Variants in ADCY5 observed in about 807,000 individuals in gnomAD.
ADCY5 encodes the protein adenylate cyclase 5.
A neutral mutation model predicts 119.7 loss-of-function variants in ADCY5; 30 were observed. The observed-to-expected ratio is 0.25, with a 90% confidence interval of 0.19 to 0.34. ADCY5 has a LOEUF of 0.34. ADCY5 is among the 10% of genes least tolerant of loss of function. The probability of loss-of-function intolerance (pLI) is 1.00; values close to 1 mark genes in which losing one functional copy is unlikely to be tolerated. For synonymous variants in ADCY5, 753 were observed against 762.2 expected (o/e 0.99, Z 0.20); for missense variants, 1,324 against 1,775.2 (o/e 0.75, Z 4.57).
intron 1 of ADCY5, among the ~76,000 whole-genome samples, chr3:123,396,389 AAG>A (rs1190599522): frequency 1.2e-4 from 16 of 130,958 alleles, no homozygotes; most frequent in African/African-American, 2.9e-4. Context: ...AAGGGAGGGA[AAG>A]AGAGAAAAAG....
chr3:123,289,735 T>C lies in ADCY5; in HGVS notation c.3532+15A>G. On this transcript the variant is annotated intron_variant, in intron 19 of 20. Coordinates refer to ENST00000462833, the MANE Select transcript of ADCY5 (RefSeq NM_183357.3). ...ACTGCACCCTGGGCTCAGCACTCCC[T>C]GGGCCCCCACTCACCGATCTTCATC... is the stretch of plus-strand genomic sequence containing the variant. The C allele has an allele frequency of 6.2e-7, 1 of 1,612,724 alleles. No individual in the cohort carries two copies. The highest frequency in any genetic ancestry group is 1.1e-5 in the South Asian group (1 of 91,010).
At chr3:123,404,592 C>T (rs1279195636) in intron 1 of ADCY5, 1 of 152,284 alleles carries the variant, frequency 6.6e-6, no homozygotes, top group Non-Finnish European at 1.5e-5. Context: ...TGCACTATGC[C>T]CAGAATAAAC....
intron 1 of ADCY5, among the ~76,000 whole-genome samples, chr3:123,435,608 T>C (rs966106673): frequency 2.6e-5 from 4 of 152,152 alleles, no homozygotes; most frequent in Non-Finnish European, 5.9e-5. Context: ...AAAACCTTTT[T>C]TTTAAGGCCA....
chr3:123,369,954 A>T (rs1447144656), intron 1 of ADCY5, among the ~76,000 whole-genome samples: 1 of 152,174 alleles, frequency 6.6e-6, no homozygotes, highest in Non-Finnish European at 1.5e-5. Context: ...AGGGGGTAGG[A>T]AGGGTGACCA....
intron 17 of ADCY5, among the ~76,000 whole-genome samples, chr3:123,295,721 C>G (rs1438155643): frequency 6.6e-6 from 1 of 151,816 alleles, no homozygotes; most frequent in African/African-American, 2.4e-5. Context: ...GCCTTGCTGC[C>G]CCCACCACAA....
At chr3:123,377,227 C>T (rs1445189762) in intron 1 of ADCY5, among the ~76,000 whole-genome samples, 1 of 152,204 alleles carries the variant, frequency 6.6e-6, no homozygotes, top group Admixed American at 6.5e-5. Context: ...ATAAAAGCTC[C>T]TTAATTCAGC....
chr3:123,438,233 G>A (rs1458972813), intron 1 of ADCY5, among the ~76,000 whole-genome samples: 1 of 152,136 alleles, frequency 6.6e-6, no homozygotes, highest in African/African-American at 2.4e-5. Context: ...AAATGTGTTT[G>A]AAAAAGGCTT....
intron 1 of ADCY5, among the ~76,000 whole-genome samples, chr3:123,431,088 G>A (rs963777259): frequency 1.3e-5 from 2 of 152,178 alleles, no homozygotes; most frequent in Admixed American, 6.5e-5. Flanking sequence ...GAGCTACAGA[G>A]GTGAAGAAAA....
Position 123,352,594 on chromosome 3 carries a change from A to G in ADCY5, c.1135-13T>C. The G allele has an allele frequency of 1.2e-6, 2 of 1,605,236 alleles. No homozygotes were observed. Among genetic ancestry groups the G allele is most frequent in the Non-Finnish European group, 1.7e-6 (2 of 1,173,870 alleles). On this transcript the variant is annotated splice_polypyrimidine_tract_variant and intron_variant, in intron 1 of 20. Coordinates refer to ENST00000462833, the MANE Select transcript of ADCY5 (RefSeq NM_183357.3). This position sits in a 1 kb window ranked among gnomAD's most constrained non-coding sequence, Gnocchi z 4.8. The stretch of plus-strand genomic sequence containing the variant: ...CATTGGAGACAAGCTGCAGAGGGAG[A>G]GAGGAGCACACCTAGCTCAGATCCT...
chr3:123,383,996 C>G (rs1471456221), intron 1 of ADCY5, among the ~76,000 whole-genome samples: 1 of 151,868 alleles, frequency 6.6e-6, no homozygotes, highest in East Asian at 2.0e-4. Context: ...ACACACCCAC[C>G]CTTCCTCAAG....
chr3:123,333,497 G>A (rs1941876096), intron 3 of ADCY5, among the ~76,000 whole-genome samples: 1 of 152,240 alleles, frequency 6.6e-6, no homozygotes, highest in Non-Finnish European at 1.5e-5. Flanking sequence ...CGCGGCTGCT[G>A]GGCAGGGGAC....
At chr3:123,299,530 T>C (rs1939708916) in intron 15 of ADCY5, among the ~76,000 whole-genome samples, 1 of 152,214 alleles carries the variant, frequency 6.6e-6, no homozygotes, top group Non-Finnish European at 1.5e-5. Context: ...CATCTGTCAC[T>C]ACATGACCAT....
chr3:123,402,509 C>T (rs76018747), intron 1 of ADCY5, among the ~76,000 whole-genome samples: 7,921 of 152,256 alleles, frequency 0.052, 460 homozygotes, highest in African/African-American at 0.14. Flanking sequence ...TGAATCTCTC[C>T]ATCCAAGGAA....
chr3:123,441,508 A>G (rs1945720650), intron 1 of ADCY5, among the ~76,000 whole-genome samples: 1 of 152,198 alleles, frequency 6.6e-6, no homozygotes, highest in Non-Finnish European at 1.5e-5. Context: ...TCATCTACCT[A>G]GAGCTGAGAC....
chr3:123,410,310 C>T (rs1945012024), intron 1 of ADCY5, among the ~76,000 whole-genome samples: 1 of 152,126 alleles, frequency 6.6e-6, no homozygotes, highest in East Asian at 1.9e-4. Context: ...GGCAGAGTTC[C>T]ATCCCCCTCC....
In ADCY5 at chr3:123,343,186, T is replaced by C. The variant is rs145569311; in HGVS notation, c.1406+4596A>G. On this transcript the variant is annotated intron_variant, in intron 3 of 20. Coordinates refer to ENST00000462833, the MANE Select transcript of ADCY5 (RefSeq NM_183357.3). ...AGCTGACTAATTATTCATTGCTTAG[T>C]GTCTTCTCTAACAGAAGATGAGCTT... Among the ~76,000 whole-genome samples the C allele has an allele frequency of 2.0e-5, 3 of 152,338 alleles. No homozygotes were observed. The East Asian group carries it at 5.8e-4, about 29-fold the overall frequency.
At chr3:123,314,358 T>C in intron 11 of ADCY5, 36 bp from the exon 12 acceptor site, 1 of 1,548,610 alleles carries the variant, frequency 6.5e-7, no homozygotes, top group Non-Finnish European at 8.9e-7. Flanking sequence ...GAAGCCAGGC[T>C]CAGGTGGCAG....
chr3:123,291,588 A>C (rs1939154714), intron 17 of ADCY5, among the ~76,000 whole-genome samples: 1 of 152,128 alleles, frequency 6.6e-6, no homozygotes, highest in South Asian at 2.1e-4. Context: ...TGACAATCAG[A>C]AAAGACATTT....
In ADCY5 at chr3:123,443,425, C is replaced by T. The variant is rs182021489; in HGVS notation, c.1134+3987G>A. Among the ~76,000 whole-genome samples, 414 of 152,312 alleles carry T rather than the reference C, an allele frequency of 2.7e-3. 1 individual carries two copies. Among genetic ancestry groups the T allele is most frequent in the Admixed American group, 7.5e-3 (115 of 15,306 alleles). On this transcript the variant is annotated intron_variant, in intron 1 of 20. Coordinates refer to ENST00000462833, the MANE Select transcript of ADCY5 (RefSeq NM_183357.3). Reference sequence around the variant, plus strand: ...ACACAAAGGCTTCCCAGGCCCACGTCCACCACCTGGGTCAGCCTCATACCA... The same window carrying T: ...ACACAAAGGCTTCCCAGGCCCACGTTCACCACCTGGGTCAGCCTCATACCA...
Sources: gnomAD v4.1 joint callset for allele counts (sites outside exome capture counted in the v4.1 genomes callset) on GRCh38, gnomAD v4.1.1 for gene constraint, Gnocchi (gnomAD v3.1) non-coding constraint, MANE v1.5 for transcripts, NCBI Gene and HGNC (gene_info 2026-07-23, HGNC 2026-07-21) for gene names.